Variants in ME1 observed in about 807,000 individuals in gnomAD.
ME1 encodes the protein NADP-dependent malic enzyme.
In ME1, 74 loss-of-function variants were observed where a neutral mutation model predicts 66.4. The ratio of observed to expected loss-of-function variants is 1.11; its 90% CI spans 0.92 to 1.35. ME1 has a LOEUF of 1.35. Ranked by LOEUF, ME1 falls within the 40% of genes most tolerant of loss-of-function variation. The probability of loss-of-function intolerance (pLI) is 0.00; values close to 1 mark genes in which losing one functional copy is unlikely to be tolerated. For synonymous variants in ME1, 251 were observed against 235.6 expected (o/e 1.07, Z -0.60); for missense variants, 750 against 694.1 (o/e 1.08, Z -0.90).
intron 7 of ME1, among the ~76,000 whole-genome samples, chr6:83,240,169 C>A (rs759545534): frequency 2.6e-5 from 4 of 152,022 alleles, no homozygotes; most frequent in Admixed American, 6.6e-5. Context: ...CAAAGAAACT[C>A]TTCTTCACAC....
chr6:83,306,394 CT>C (rs1209718802), intron 6 of ME1, among the ~76,000 whole-genome samples: 1 of 151,802 alleles, frequency 6.6e-6, no homozygotes. Flanking sequence ...CTTTAATAAT[CT>C]AATAATTTAG....
intron 12 of ME1, 76 bp from the exon 13 acceptor site, chr6:83,216,672 G>T: frequency 1.1e-6 from 1 of 931,650 alleles, no homozygotes; most frequent in Non-Finnish European, 1.7e-6. Flanking sequence ...ATAACTAAGT[G>T]AACGGTTACA....
chr6:83,399,347 TATC>T (rs1444393488), intron 2 of ME1, among the ~76,000 whole-genome samples: 1 of 152,166 alleles, frequency 6.6e-6, no homozygotes, highest in Non-Finnish European at 1.5e-5. Context: ...ACTTAACTAA[TATC>T]ATGCAAACAT....
At chr6:83,428,455 C>G (rs187999064) in intron 1 of ME1, among the ~76,000 whole-genome samples, 1 of 151,972 alleles carries the variant, frequency 6.6e-6, no homozygotes, top group Non-Finnish European at 1.5e-5. Context: ...TTGCAGCTAC[C>G]CAAAGGTAAA....
chr6:83,334,030 A>C (rs2128542503), intron 5 of ME1, among the ~76,000 whole-genome samples: 1 of 152,020 alleles, frequency 6.6e-6, no homozygotes, highest in South Asian at 2.1e-4. Context: ...AAGACGGGTG[A>C]TTTCTGCATT....
rs543421581 is a variant in ME1, at chr6:83,319,310, AAAAAT to A, written c.601-3902_601-3898del. 2.1e-3 allele frequency among the ~76,000 whole-genome samples: 323 copies of A among 151,730 alleles called. 3 individuals carry two copies. Among genetic ancestry groups the A allele is most frequent in the South Asian group, 0.011 (54 of 4,820 alleles). On this transcript the variant is annotated intron_variant, in intron 5 of 13. Transcript: ENST00000369705. ...CTAAAACTTAAAGTATAATAATAAA[AAAAAT>A]AAAATAAAATAAAAATAAAAAATAA...
In ME1 at chr6:83,227,354, T is replaced by G; in HGVS notation, c.1256A>C (p.Gln419Pro). 1 of 1,570,472 alleles carries G rather than the reference T, an allele frequency of 6.4e-7. No individual in the cohort carries two copies. The highest frequency in any genetic ancestry group is 1.2e-5 in the South Asian group (1 of 83,282). ...CTTTACCTTGGTTATTTTGTAGCAC[T>G]GCTCTGCAGAACATTCTGCTTTGCT... ...PTSKAECSAE[Q>P]CYKITKGRAI... The change falls in exon 11 of 14, where the codon CAG becomes CCG. Residue 419 changes from glutamine to proline, a missense_variant. By Grantham distance (76) the Gln-to-Pro change is moderately conservative (BLOSUM62 -1). Transcript: ENST00000369705.
chr6:83,418,836 G>T (rs574459949), intron 1 of ME1, among the ~76,000 whole-genome samples: 1 of 152,160 alleles, frequency 6.6e-6, no homozygotes, highest in Admixed American at 6.5e-5. Flanking sequence ...AGAAAAGGAA[G>T]AACTTAATTT....
At chr6:83,271,796 G>A (rs1464485493) in intron 6 of ME1, among the ~76,000 whole-genome samples, 3 of 151,964 alleles carry the variant, frequency 2.0e-5, no homozygotes, top group Non-Finnish European at 4.4e-5. Flanking sequence ...ATAACTTCAA[G>A]TAAAAATATT....
At position 83,334,383 on chromosome 6, in the gene ME1, TG is replaced by T. The variant is rs1429741332; in HGVS notation, c.600+11789del. Among the ~76,000 whole-genome samples the T allele has an allele frequency of 1.2e-4, 10 of 80,326 alleles. No individual in the cohort carries two copies. In the East Asian group the frequency reaches 3.3e-3, roughly 27 times the overall value. The allele number at this position is 80,326 out of a possible 152,430, so 52.7% of individuals were successfully genotyped here. A position where few individuals can be genotyped will look rare whatever the true frequency, so the allele number is the denominator to read the frequency against. On this transcript the variant is annotated intron_variant, in intron 5 of 13. Coordinates refer to ENST00000369705, the MANE Select transcript of ME1 (RefSeq NM_002395.6). The stretch of plus-strand genomic sequence containing the variant: ...TCAAACTGCAAGGCGGCAACGAGGC[TG>T]GGGGAGGGGCGCCCGCCATTGCCCA...
intron 2 of ME1, among the ~76,000 whole-genome samples, chr6:83,405,999 G>A (rs2128551748): frequency 6.6e-6 from 1 of 152,242 alleles, no homozygotes; most frequent in Non-Finnish European, 1.5e-5. Flanking sequence ...GGGATTACAG[G>A]CGTGAGCCAC....
At chr6:83,268,486 A>C (rs1390285672) in intron 6 of ME1, among the ~76,000 whole-genome samples, 1 of 152,126 alleles carries the variant, frequency 6.6e-6, no homozygotes, top group Non-Finnish European at 1.5e-5. Context: ...CAACATTCCC[A>C]AAAGTTCTCT....
chr6:83,405,418 G>C (rs1046932986), intron 2 of ME1, among the ~76,000 whole-genome samples: 2 of 152,098 alleles, frequency 1.3e-5, no homozygotes, highest in African/African-American at 4.8e-5. Context: ...TGAGAGGATG[G>C]GGTTTTCTAA....
chr6:83,368,013 G>T (rs1479991971), intron 3 of ME1, among the ~76,000 whole-genome samples: 1 of 152,056 alleles, frequency 6.6e-6, no homozygotes. Context: ...AAAGGCCATT[G>T]CAGGGTTATT....
chr6:83,299,100 C>T (rs952043583), intron 6 of ME1, among the ~76,000 whole-genome samples: 5 of 151,136 alleles, frequency 3.3e-5, no homozygotes, highest in Admixed American at 2.0e-4. Context: ...TGGTTTCACA[C>T]GAATTTTAAA....
intron 3 of ME1, among the ~76,000 whole-genome samples, chr6:83,378,434 A>G (rs919847652): frequency 3.3e-5 from 5 of 152,122 alleles, no homozygotes; most frequent in Non-Finnish European, 7.4e-5. Flanking sequence ...TTTCAATGAA[A>G]GATATAAAAG....
intron 9 of ME1, among the ~76,000 whole-genome samples, chr6:83,234,209 A>C (rs1180237): frequency 0.45 from 67,770 of 151,890 alleles, 15,686 homozygotes; most frequent in African/African-American, 0.56. Context: ...CATCAGAGAC[A>C]ACAAAATAAA....
intron 6 of ME1, 30 bp downstream of exon 6, chr6:83,315,280 C>G (rs759690307): frequency 2.2e-6 from 3 of 1,349,198 alleles, no homozygotes; most frequent in East Asian, 2.3e-5. Context: ...TTGTTACTGA[C>G]TAAAATATAG....
chr6:83,240,698 A>G (rs1369477720), intron 7 of ME1, among the ~76,000 whole-genome samples: 1 of 152,194 alleles, frequency 6.6e-6, no homozygotes, highest in Non-Finnish European at 1.5e-5. Context: ...ATTTAACATT[A>G]TGGTTAAAAC....
Sources: allele counts gnomAD v4.1 joint callset (sites outside exome capture counted in the v4.1 genomes callset), GRCh38; gene constraint gnomAD v4.1.1; transcripts MANE v1.5; gene names NCBI Gene and HGNC (gene_info 2026-07-23, HGNC 2026-07-21).